Variants in CDH13 observed in about 807,000 individuals in gnomAD.
The protein encoded by CDH13 is cadherin 13.
CDH13 carries 24 observed loss-of-function variants against 63.8 expected under a neutral mutation model. The ratio of observed to expected loss-of-function variants is 0.38; its 90% CI spans 0.27 to 0.53. The LOEUF (loss-of-function observed/expected upper bound fraction) is 0.53. Among genes scored for constraint, CDH13 ranks in the 20% least tolerant of loss-of-function variants. CDH13 has a pLI of 0.85. For synonymous variants in CDH13, 503 were observed against 355.3 expected, an observed-to-expected ratio of 1.42 and a Z score of -4.67; for missense variants, 1,049 against 903.1, an observed-to-expected ratio of 1.16 and a Z score of -2.07.
intron 6 of CDH13, among the ~76,000 whole-genome samples, chr16:83,348,316 G>A (rs2090881764): frequency 6.6e-6 from 1 of 152,234 alleles, no homozygotes. Context: ...CAGATGAACT[G>A]ATTTAGATCC....
chr16:83,327,162 A>G (rs528596873), intron 5 of CDH13, among the ~76,000 whole-genome samples: 16 of 152,292 alleles, frequency 1.1e-4, no homozygotes, highest in African/African-American at 3.4e-4. Context: ...TACTTGCTTT[A>G]TTTTCCTTCA....
intron 7 of CDH13, among the ~76,000 whole-genome samples, chr16:83,570,946 C>CATATATATATATATATATATATATAT (rs57586630): frequency 3.6e-5 from 4 of 110,058 alleles, no homozygotes; most frequent in Admixed American, 1.1e-4. Context: ...ATAACTCATC[C>CATATATATATATATATATATATATAT]ATATATATAT....
intron 3 of CDH13, among the ~76,000 whole-genome samples, chr16:83,088,854 G>T (rs2033745457): frequency 6.6e-6 from 1 of 152,146 alleles, no homozygotes; most frequent in Admixed American, 6.5e-5. Flanking sequence ...TTAGAACAGA[G>T]ATTTTTCAGC....
intron 10 of CDH13, among the ~76,000 whole-genome samples, chr16:83,746,887 A>C (rs887140120): frequency 2.6e-5 from 4 of 152,228 alleles, no homozygotes; most frequent in Non-Finnish European, 5.9e-5. Context: ...TTAAATCTCA[A>C]AAGAGCAACC....
At chr16:82,795,823 G>T (rs997839337) in intron 1 of CDH13, among the ~76,000 whole-genome samples, 1 of 152,096 alleles carries the variant, frequency 6.6e-6, no homozygotes, top group African/African-American at 2.4e-5. Flanking sequence ...TGAGCTGCCA[G>T]GCTCAGTCTG....
intron 3 of CDH13, among the ~76,000 whole-genome samples, chr16:83,097,286 C>G (rs1361344539): frequency 6.6e-6 from 1 of 152,178 alleles, no homozygotes; most frequent in Non-Finnish European, 1.5e-5. Context: ...CACATTGTCT[C>G]TAATCTGTTA....
At chr16:82,665,553 A>G (rs1248764619) in intron 1 of CDH13, among the ~76,000 whole-genome samples, 3 of 152,144 alleles carry the variant, frequency 2.0e-5, no homozygotes, top group African/African-American at 4.8e-5. Context: ...TTGTATGCAG[A>G]CACTCCTTGA....
chr16:82,900,285 C>A (rs1040445383), intron 2 of CDH13, among the ~76,000 whole-genome samples: 1 of 152,270 alleles, frequency 6.6e-6, no homozygotes, highest in South Asian at 2.1e-4. Flanking sequence ...AGTGAATGAG[C>A]ACAGCATAAA....
rs368829805 is a variant in CDH13 at position 83,554,894 on chromosome 16, C to T, written c.961-47560C>T. Among the ~76,000 whole-genome samples the T allele has an allele frequency of 2.6e-5, 4 of 151,648 alleles. 1 individual carries two copies. The highest frequency in any genetic ancestry group is 3.9e-4 in the East Asian group (2 of 5,160). Reference sequence around the variant, plus strand: ...CAAAGTTACTGCAGCACATGTATTCCCATTGCAATGCCCTACTGCTGAATC... The same window carrying T: ...CAAAGTTACTGCAGCACATGTATTCTCATTGCAATGCCCTACTGCTGAATC... On this transcript the variant is annotated intron_variant, in intron 7 of 13. Coordinates refer to ENST00000567109, the MANE Select transcript of CDH13 (RefSeq NM_001257.5).
At chr16:83,316,940 TTTC>T (rs1162491977) in intron 5 of CDH13, among the ~76,000 whole-genome samples, 2 of 152,206 alleles carry the variant, frequency 1.3e-5, no homozygotes, top group Non-Finnish European at 2.9e-5. Context: ...CGGCTTCGCC[TTTC>T]TTCTTGAACA....
At chr16:82,664,437 G>T (rs966625167) in intron 1 of CDH13, among the ~76,000 whole-genome samples, 1 of 152,218 alleles carries the variant, frequency 6.6e-6, no homozygotes, top group African/African-American at 2.4e-5. Flanking sequence ...ACACAGCAGT[G>T]GGGGCTCAGT....
chr16:83,544,987 A>G (rs947800237), intron 7 of CDH13, among the ~76,000 whole-genome samples: 16 of 152,342 alleles, frequency 1.1e-4, no homozygotes, highest in Admixed American at 5.2e-4. Flanking sequence ...AGTTAATGAG[A>G]CTTTCCTTAA....
At chr16:83,077,718 G>A (rs1013881888) in intron 3 of CDH13, among the ~76,000 whole-genome samples, 2 of 152,086 alleles carry the variant, frequency 1.3e-5, no homozygotes, top group African/African-American at 2.4e-5. Context: ...TTTCGCTTGG[G>A]TAGACTCCTA....
At chr16:83,249,284 C>A (rs1022878993) in intron 5 of CDH13, among the ~76,000 whole-genome samples, 2 of 152,156 alleles carry the variant, frequency 1.3e-5, no homozygotes, top group Non-Finnish European at 2.9e-5. Flanking sequence ...TTCGTGAGAC[C>A]GTTGTTAATG....
chr16:83,421,364 A>C (rs1249915548), intron 6 of CDH13, among the ~76,000 whole-genome samples: 1 of 152,244 alleles, frequency 6.6e-6, no homozygotes, highest in African/African-American at 2.4e-5. Context: ...GAAGGTAGGC[A>C]GTTAAGAGTG....
intron 7 of CDH13, among the ~76,000 whole-genome samples, chr16:83,511,764 G>A (rs1459020296): frequency 6.6e-6 from 1 of 152,164 alleles, no homozygotes; most frequent in Non-Finnish European, 1.5e-5. Context: ...AGGGGCAAAG[G>A]TAGGATCCTT....
intron 6 of CDH13, among the ~76,000 whole-genome samples, chr16:83,404,508 G>A (rs1210308944): frequency 6.6e-6 from 1 of 152,198 alleles, no homozygotes; most frequent in Non-Finnish European, 1.5e-5. Flanking sequence ...GAGCCCACAA[G>A]AAGAACTTGA....
chr16:83,112,294 T>G (rs1433843285), intron 3 of CDH13, among the ~76,000 whole-genome samples: 1 of 152,224 alleles, frequency 6.6e-6, no homozygotes, highest in East Asian at 1.9e-4. Context: ...GGCAGGGAAC[T>G]GCACTGTGTG....
At chr16:83,247,794 C>G (rs1464823755) in intron 5 of CDH13, among the ~76,000 whole-genome samples, 1 of 152,062 alleles carries the variant, frequency 6.6e-6, no homozygotes, top group Non-Finnish European at 1.5e-5. Context: ...CTATATTGAA[C>G]CAGGAACCAG....
Sources: allele counts gnomAD v4.1 joint callset (sites outside exome capture counted in the v4.1 genomes callset), GRCh38; gene constraint gnomAD v4.1.1; transcripts MANE v1.5; gene names NCBI Gene and HGNC (gene_info 2026-07-23, HGNC 2026-07-21).